AGPS: variants seen among roughly 807,000 people sequenced by gnomAD.
AGPS encodes alkylglycerone phosphate synthase.
Under a neutral mutation model 90.7 loss-of-function variants are expected in AGPS, and 26 were observed. The ratio of observed to expected loss-of-function variants is 0.29; its 90% confidence interval spans 0.21 to 0.40. The LOEUF is 0.40. AGPS is among the 10% of genes least tolerant of loss of function. The pLI, the probability that AGPS is intolerant of heterozygous loss-of-function variation, is 1.00. For missense variants in AGPS, 540 were observed against 816.1 expected (o/e 0.66, Z 4.12); for synonymous variants, 294 against 285.3 (o/e 1.03, Z -0.31).
intron 16 of AGPS, among the ~76,000 whole-genome samples, chr2:177,513,505 A>G (rs1209781712): frequency 1.3e-5 from 2 of 152,212 alleles, no homozygotes; most frequent in African/African-American, 2.4e-5. Context: ...AGCTCTTAAA[A>G]TCTTATAATC....
intron 8 of AGPS, among the ~76,000 whole-genome samples, chr2:177,455,358 G>A (rs892824820): frequency 6.6e-6 from 1 of 152,102 alleles, no homozygotes; most frequent in African/African-American, 2.4e-5. Flanking sequence ...TCTGTGGAGC[G>A]CTAAACTAGG....
chr2:177,499,995 T>A (rs1487360584), intron 14 of AGPS, among the ~76,000 whole-genome samples: 1 of 151,876 alleles, frequency 6.6e-6, no homozygotes, highest in Non-Finnish European at 1.5e-5. Context: ...TATTAAACAT[T>A]GTATTTTTCC....
intron 10 of AGPS, among the ~76,000 whole-genome samples, chr2:177,478,921 C>A (rs1440666105): frequency 1.3e-5 from 2 of 151,640 alleles, no homozygotes; most frequent in African/African-American, 2.4e-5. Context: ...TCCCAATTAC[C>A]TTTTTACCAC....
chr2:177,482,966 G>A (rs112392569), intron 11 of AGPS, among the ~76,000 whole-genome samples: 4,987 of 152,088 alleles, frequency 0.033, 121 homozygotes, highest in Non-Finnish European at 0.05. Context: ...ATGTACTCTA[G>A]CCTCTCTTTT....
At chr2:177,451,689 T>C (rs2105651886) in intron 8 of AGPS, among the ~76,000 whole-genome samples, 1 of 152,270 alleles carries the variant, frequency 6.6e-6, no homozygotes, top group South Asian at 2.1e-4. Context: ...GAAGTCCCTT[T>C]CTTGTGTTAA....
chr2:177,536,057 C>CT (rs753328947), intron 19 of AGPS, among the ~76,000 whole-genome samples: 8 of 152,082 alleles, frequency 5.3e-5, no homozygotes, highest in Admixed American at 1.3e-4. Flanking sequence ...TTTTCCAGCG[C>CT]TTGGTGAGTG....
intron 14 of AGPS, among the ~76,000 whole-genome samples, 187 bp downstream of exon 14, chr2:177,499,917 G>T (rs1230732303): frequency 6.6e-6 from 1 of 151,638 alleles, no homozygotes; most frequent in East Asian, 1.9e-4. Flanking sequence ...ATATTGTTTT[G>T]GTTTACATCC....
intron 1 of AGPS, among the ~76,000 whole-genome samples, chr2:177,404,288 A>G (rs1280154820): frequency 3.9e-5 from 6 of 152,134 alleles, no homozygotes; most frequent in Admixed American, 2.6e-4. Flanking sequence ...GGGTAATGAG[A>G]AGGAGGGAGA....
At chr2:177,409,039 G>A (rs1339502467) in intron 1 of AGPS, among the ~76,000 whole-genome samples, 1 of 152,120 alleles carries the variant, frequency 6.6e-6, no homozygotes, top group Non-Finnish European at 1.5e-5. Flanking sequence ...TTGTGATTGG[G>A]TCCTGCTTTT....
intron 16 of AGPS, among the ~76,000 whole-genome samples, chr2:177,511,950 A>C (rs935078056): frequency 6.6e-6 from 1 of 152,186 alleles, no homozygotes; most frequent in Non-Finnish European, 1.5e-5. Flanking sequence ...GGATACATTT[A>C]AGTGCATTTA....
intron 14 of AGPS, among the ~76,000 whole-genome samples, chr2:177,504,237 ACTT>A (rs1688642978): frequency 6.6e-6 from 1 of 151,994 alleles, no homozygotes; most frequent in African/African-American, 2.4e-5. Flanking sequence ...TTTTATATCT[ACTT>A]GAGCTATGGG....
At chr2:177,482,210 TAC>T (rs1332749605) in intron 11 of AGPS, 24 bp downstream of exon 11, 32 of 1,204,874 alleles carry the variant, frequency 2.7e-5, no homozygotes, top group Non-Finnish European at 3.3e-5. Context: ...TATATATATA[TAC>T]ATACATACAT....
At chr2:177,418,244 A>G (rs959489902) in intron 1 of AGPS, among the ~76,000 whole-genome samples, 14 of 152,118 alleles carry the variant, frequency 9.2e-5, no homozygotes, top group Non-Finnish European at 1.8e-4. Flanking sequence ...AAGACTCTTC[A>G]GGATGTAAAT....
chr2:177,462,535 C>G (rs989872788), intron 9 of AGPS, among the ~76,000 whole-genome samples: 2 of 151,904 alleles, frequency 1.3e-5, no homozygotes, highest in Non-Finnish European at 2.9e-5. Flanking sequence ...TTAAGGATGC[C>G]CCTTTTCAGG....
At chr2:177,440,437 T>C (rs573122889) in intron 5 of AGPS, among the ~76,000 whole-genome samples, 1 of 152,226 alleles carries the variant, frequency 6.6e-6, no homozygotes, top group African/African-American at 2.4e-5. Flanking sequence ...AGGAAACATC[T>C]ACAAACCCAA....
At position 177,540,244 on chromosome 2, in the gene AGPS, A is replaced by G. The variant is rs2079222815; in HGVS notation, c.*2049A>G. The stretch of plus-strand genomic sequence containing the variant: ...CTTGATATTAGGAAACTGTAAATGT[A>G]ACACCTGAAATTATTATGTTCACTA... On this transcript the variant is annotated 3_prime_UTR_variant, in exon 20 of 20. Transcript: ENST00000264167. 1 of 151,968 alleles carries G rather than the reference A, an allele frequency of 6.6e-6. No homozygotes were observed. The highest frequency in any genetic ancestry group is 2.4e-5 in the African/African-American group (1 of 41,408). The allele number at this position is 151,968 out of a possible 1,614,324, so 9.4% of individuals were successfully genotyped here.
intron 19 of AGPS, 147 bp from the exon 20 acceptor site, chr2:177,537,927 G>A (rs1253816941): frequency 9.1e-7 from 1 of 1,095,758 alleles, no homozygotes; most frequent in East Asian, 2.5e-5. Flanking sequence ...ATAGTCTGGT[G>A]GGCTCAATAA....
intron 8 of AGPS, among the ~76,000 whole-genome samples, chr2:177,460,864 T>C (rs1295183114): frequency 6.6e-6 from 1 of 152,226 alleles, no homozygotes; most frequent in African/African-American, 2.4e-5. Context: ...TGATGTCTTT[T>C]AAAATCTTGT....
chr2:177,510,701 A>C (rs991813131), intron 16 of AGPS, among the ~76,000 whole-genome samples: 1 of 152,174 alleles, frequency 6.6e-6, no homozygotes, highest in Non-Finnish European at 1.5e-5. Context: ...CTTCAGCCGA[A>C]GTTTTAATAA....
Sources: gnomAD v4.1 joint callset for allele counts (sites outside exome capture counted in the v4.1 genomes callset) on GRCh38, gnomAD v4.1.1 for gene constraint, MANE v1.5 for transcripts, NCBI Gene and HGNC (gene_info 2026-07-23, HGNC 2026-07-21) for gene names.